Variants in ABR observed in about 807,000 individuals in gnomAD.
ABR encodes active breakpoint cluster region-related protein.
ABR carries 35 observed loss-of-function variants against 107.2 expected under a neutral mutation model. That is an observed-to-expected ratio of 0.33 (90% CI 0.25 to 0.43). ABR has a LOEUF of 0.43. ABR is among the 20% of genes least tolerant of loss of function. ABR has a pLI of 1.00. For missense variants in ABR, 815 were observed against 1,115.2 expected, an observed-to-expected ratio of 0.73 and a Z score of 3.83; for synonymous variants, 498 against 462.0, an observed-to-expected ratio of 1.08 and a Z score of -1.00.
At position 1,079,357 on chromosome 17, in the gene ABR, C is replaced by A. The variant is rs1039759840; in HGVS notation, c.673G>T (p.Asp225Tyr). The A allele has an allele frequency of 4.3e-6, 7 of 1,613,632 alleles. No homozygotes were observed. Among genetic ancestry groups the A allele is most frequent in the Non-Finnish European group, 5.9e-6 (7 of 1,179,766 alleles). The change falls in exon 6 of 23, where the codon GAC (aspartate) becomes TAC (tyrosine). Residue 225 changes from aspartate (D) to tyrosine (Y), a missense_variant. Physicochemically the swap from Asp to Tyr is radical, Grantham distance 160. Transcript: ENST00000302538. ...TCCATGGTGACAGACGTGTGGCTGT[C>A]CTTGGAGTCCTTGGGACCTTTCACT... ...LKVKGPKDSK[D>Y]SHTSVTMEAL...
rs1187963299 is a variant in ABR, at chr17:1,012,633, T to TG, written c.1961+54dup. The TG allele has an allele frequency of 1.0e-4, 139 of 1,356,710 alleles. 3 individuals carry two copies. In the South Asian group the frequency reaches 1.1e-3, roughly 11 times the overall value. 84.0% of individuals were successfully genotyped at this position (1,356,710 alleles called of 1,614,324 possible). A position where few individuals can be genotyped will look rare whatever the true frequency, so the allele number is the denominator to read the frequency against. On this transcript the variant is annotated intron_variant, in intron 18 of 22. Transcript: ENST00000302538. ...GCGGGGAGGGCTGGGGGGCCCGGGCTGGGGGGGACCCGGGGCACCGACGCC... is the reference window on the plus strand; with the variant it reads ...GCGGGGAGGGCTGGGGGGCCCGGGCTGGGGGGGGACCCGGGGCACCGACGCC...
chr17:1,109,495 C>T (rs569662260), intron 2 of ABR, among the ~76,000 whole-genome samples: 1 of 151,824 alleles, frequency 6.6e-6, no homozygotes, highest in Non-Finnish European at 1.5e-5. Flanking sequence ...GGGGCCGCGG[C>T]TGGCGGAGGC....
intron 1 of ABR, among the ~76,000 whole-genome samples, chr17:1,166,725 C>T (rs754711492): frequency 2.6e-5 from 4 of 152,192 alleles, no homozygotes; most frequent in Non-Finnish European, 5.9e-5. Context: ...CCAGGCCGGG[C>T]GCAGGGGCTC....
intron 9 of ABR, among the ~76,000 whole-genome samples, chr17:1,069,224 C>A (rs1173913845): frequency 3.3e-5 from 5 of 152,116 alleles, no homozygotes; most frequent in African/African-American, 9.7e-5. Context: ...GGGAAGGAAG[C>A]AGCGCGGCAG....
At chr17:1,007,982 C>T (rs565590355) in intron 21 of ABR, among the ~76,000 whole-genome samples, 2 of 152,274 alleles carry the variant, frequency 1.3e-5, no homozygotes, top group African/African-American at 2.4e-5. Context: ...CGGGGACTGT[C>T]CCCCCGTGCC....
intron 1 of ABR, among the ~76,000 whole-genome samples, chr17:1,142,125 G>A (rs893784718): frequency 6.6e-6 from 1 of 152,074 alleles, no homozygotes; most frequent in Admixed American, 6.6e-5. Flanking sequence ...CTGGGGAGTT[G>A]GGAAGCTCTC....
intron 1 of ABR, among the ~76,000 whole-genome samples, chr17:1,215,516 C>A (rs994927787): frequency 1.3e-5 from 2 of 152,210 alleles, no homozygotes; most frequent in African/African-American, 4.8e-5. Context: ...GCCGGGATTG[C>A]GGACGGAGTC....
chr17:1,112,511 C>T (rs1290369005), intron 2 of ABR, among the ~76,000 whole-genome samples: 3 of 149,012 alleles, frequency 2.0e-5, no homozygotes, highest in Non-Finnish European at 4.5e-5. Flanking sequence ...GTGGGAGGAT[C>T]GTTTGAGCTC....
At chr17:1,158,104 T>C (rs2041119527) in intron 1 of ABR, among the ~76,000 whole-genome samples, 1 of 152,028 alleles carries the variant, frequency 6.6e-6, no homozygotes, top group African/African-American at 2.4e-5. Flanking sequence ...ATTCCTGCAA[T>C]GGAATTCCAG....
chr17:1,206,050 C>A (rs932715319), intron 1 of ABR, among the ~76,000 whole-genome samples: 2 of 152,092 alleles, frequency 1.3e-5, no homozygotes, highest in South Asian at 2.1e-4. Context: ...CAGGAGGTGG[C>A]GGTTGCAGTG....
At chr17:1,146,248 C>A (rs1328560886) in intron 1 of ABR, among the ~76,000 whole-genome samples, 1 of 134,778 alleles carries the variant, frequency 7.4e-6, no homozygotes, top group East Asian at 2.2e-4. Flanking sequence ...TCTATCCACG[C>A]AGGCACATGG....
At position 1,031,574 on chromosome 17, in the gene ABR, G is replaced by A. The variant is rs1157582311; in HGVS notation, c.1792-18410C>T. 8.1e-5 allele frequency: 15 copies of A among 184,618 alleles called. No homozygotes were observed. In the East Asian group the frequency reaches 1.4e-3, roughly 17 times the overall value. 11.4% of individuals were successfully genotyped at this position (184,618 alleles called of 1,614,324 possible). On this transcript the variant is annotated intron_variant, in intron 16 of 22. Transcript: ENST00000302538. ...CAGCGCCCCCGAGCCCCCACCCCCC[G>A]GAACCTCCAGCCCCCGCGGGCACCT...
At chr17:1,098,278 G>A (rs1054644495) in intron 3 of ABR, among the ~76,000 whole-genome samples, 8 of 151,968 alleles carry the variant, frequency 5.3e-5, no homozygotes, top group Admixed American at 3.3e-4. Flanking sequence ...GGGTTTCACC[G>A]TGTTGGCCAA....
At chr17:1,197,985 G>A (rs576736355) in intron 1 of ABR, among the ~76,000 whole-genome samples, 9 of 151,802 alleles carry the variant, frequency 5.9e-5, no homozygotes, top group South Asian at 2.1e-4. Context: ...CTGCTGCTGC[G>A]CCCGGCTGGC....
intron 1 of ABR, among the ~76,000 whole-genome samples, chr17:1,147,956 G>A (rs183647073): frequency 3.1e-4 from 47 of 152,296 alleles, no homozygotes; most frequent in African/African-American, 9.9e-4. Context: ...GAGCACCAAC[G>A]GCTTAGTGTT....
At chr17:1,067,331 CAGGGGTTGACTG>C in intron 9 of ABR, 89 bp from the exon 10 acceptor site, 2 of 1,303,374 alleles carry the variant, frequency 1.5e-6, no homozygotes, top group Non-Finnish European at 2.1e-6. Flanking sequence ...GAACCACTGA[CAGGGGTTGACTG>C]AGAACTCGCC....
chr17:1,157,249 C>T lies in ABR; in HGVS notation c.61+22418G>A, dbSNP rs2151553239. 1.6e-5 allele frequency among the ~76,000 whole-genome samples: 2 copies of T among 121,776 alleles called. No homozygotes were observed. Among genetic ancestry groups the T allele is most frequent in the South Asian group, 5.5e-4 (2 of 3,604 alleles). 79.9% of individuals were successfully genotyped at this position (121,776 alleles called of 152,430 possible). ...GTCAGTCGTGCTACAGCGCACATTA[C>T]TTTTTTTTTTTTTTTTTTTGAGATG... On this transcript the variant is annotated intron_variant, in intron 1 of 22. Coordinates refer to ENST00000302538, the MANE Select transcript of ABR (RefSeq NM_021962.5). This position sits in a 1 kb window ranked among gnomAD's most constrained non-coding sequence, Gnocchi z 4.7.
At chr17:1,176,105 A>G (rs2041910615) in intron 1 of ABR, among the ~76,000 whole-genome samples, 2 of 151,924 alleles carry the variant, frequency 1.3e-5, no homozygotes, top group African/African-American at 2.4e-5. Flanking sequence ...TCAAAAAAAA[A>G]AAAGAAGTGT....
rs936515634 is a variant in ABR, at chr17:1,011,321, C to T, written c.2102-458G>A. The stretch of plus-strand genomic sequence containing the variant: ...GCCCCACCCCGTCCTCCACTCCAGG[C>T]TCCCCACGGATTCATCCCTGCCTGG... On this transcript the variant is annotated intron_variant, in intron 19 of 22. Transcript: ENST00000302538. The surrounding 1 kb of genome is among the most constrained non-coding windows in gnomAD (Gnocchi z 4.8). The T allele has an allele frequency of 3.3e-5, 6 of 179,674 alleles. No homozygotes were observed. The East Asian group carries it at 9.5e-4, about 28-fold the overall frequency. The allele number at this position is 179,674 out of a possible 1,614,324, so 11.1% of individuals were successfully genotyped here.
Sources: allele counts gnomAD v4.1 joint callset (sites outside exome capture counted in the v4.1 genomes callset), GRCh38; gene constraint gnomAD v4.1.1; non-coding constraint Gnocchi (gnomAD v3.1); transcripts MANE v1.5; gene names NCBI Gene and HGNC (gene_info 2026-07-23, HGNC 2026-07-21).